The following GNA14 variants were observed in gnomAD, a reference collection of about 807,000 sequenced individuals.
The protein encoded by GNA14 is guanine nucleotide-binding protein subunit alpha-14.
In GNA14, 50 loss-of-function variants were observed where a neutral mutation model predicts 42.0. The observed-to-expected ratio is 1.19, with a 90% CI of 0.95 to 1.51. The LOEUF is 1.51. GNA14 is among the 40% of genes most tolerant of loss of function. The probability of loss-of-function intolerance (pLI) is 0.00; values close to 1 mark genes in which losing one functional copy is unlikely to be tolerated. For missense variants in GNA14, 473 were observed against 446.2 expected (o/e 1.06, Z -0.54); for synonymous variants, 173 against 163.1 (o/e 1.06, Z -0.46).
At chr9:77,616,958 C>T (rs532312148) in intron 1 of GNA14, among the ~76,000 whole-genome samples, 1 of 152,146 alleles carries the variant, frequency 6.6e-6, no homozygotes, top group Non-Finnish European at 1.5e-5. Flanking sequence ...CAAGCTCCGC[C>T]TCCCGGGTTC....
intron 1 of GNA14, among the ~76,000 whole-genome samples, chr9:77,628,280 T>G (rs1265126228): frequency 6.6e-6 from 1 of 151,474 alleles, no homozygotes; most frequent in African/African-American, 2.4e-5. Flanking sequence ...TGCTCACGGA[T>G]AGAACCAATA....
At chr9:77,522,816 T>C (rs1487242346) in intron 2 of GNA14, among the ~76,000 whole-genome samples, 1 of 152,184 alleles carries the variant, frequency 6.6e-6, no homozygotes, top group African/African-American at 2.4e-5. Flanking sequence ...TGGGATGTTC[T>C]AGTGCCTGAT....
intron 1 of GNA14, among the ~76,000 whole-genome samples, chr9:77,640,513 A>G (rs1824240770): frequency 6.6e-6 from 1 of 152,130 alleles, no homozygotes; most frequent in South Asian, 2.1e-4. Flanking sequence ...AGAAAAAAAG[A>G]CCATTTGAAG....
intron 1 of GNA14, among the ~76,000 whole-genome samples, chr9:77,624,544 C>A (rs1269518652): frequency 7.2e-5 from 11 of 152,144 alleles, no homozygotes. Context: ...CTAGCAGATG[C>A]CCCTCTGGGA....
At chr9:77,476,763 A>G (rs3780295) in intron 2 of GNA14, among the ~76,000 whole-genome samples, 90,098 of 152,124 alleles carry the variant, frequency 0.59, 27,402 homozygotes, top group East Asian at 0.82. Flanking sequence ...ATGAGTGAGT[A>G]CATAGCACTT....
intron 1 of GNA14, among the ~76,000 whole-genome samples, chr9:77,551,473 A>G (rs974709867): frequency 6.6e-6 from 1 of 151,960 alleles, no homozygotes; most frequent in African/African-American, 2.4e-5. Context: ...GGGACTAGAA[A>G]AAGCAGGACC....
At chr9:77,623,478 G>A (rs1434602446) in intron 1 of GNA14, among the ~76,000 whole-genome samples, 1 of 152,104 alleles carries the variant, frequency 6.6e-6, no homozygotes, top group Non-Finnish European at 1.5e-5. Flanking sequence ...CACAGTGGCT[G>A]GCAAGATGGC....
intron 1 of GNA14, among the ~76,000 whole-genome samples, chr9:77,643,658 A>C (rs1017914205): frequency 6.6e-6 from 1 of 152,210 alleles, no homozygotes; most frequent in African/African-American, 2.4e-5. Flanking sequence ...CAATCCAATA[A>C]AACTTTTTGG....
At chr9:77,450,123 C>T (rs560561357) in intron 2 of GNA14, among the ~76,000 whole-genome samples, 9 of 152,310 alleles carry the variant, frequency 5.9e-5, no homozygotes, top group African/African-American at 2.2e-4. Flanking sequence ...CTTTGGCATT[C>T]TGGTTGCCGG....
Position 77,529,204 on chromosome 9 carries a change from G to C in GNA14, c.174C>G (p.Ile58Met). 6.2e-7 allele frequency: 1 copy of C among 1,613,970 alleles called. No homozygotes were observed. Among genetic ancestry groups the C allele is most frequent in the Non-Finnish European group, 8.5e-7 (1 of 1,179,910 alleles). Reference protein sequence around the residue: ...KSTFIKQMRIIHGSGYSDEDR... With the variant: ...KSTFIKQMRIMHGSGYSDEDR... ...CTTCGTCGCTGTAACCAGACCCATG[G>C]ATAATTCTCATCTGCTTGATAAAGG... Residue 58 changes from isoleucine to methionine, a missense_variant, in exon 2 of 7, where the codon ATC becomes ATG. By Grantham distance (10) the Ile-to-Met change is conservative. Coordinates refer to ENST00000341700, the MANE Select transcript of GNA14 (RefSeq NM_004297.4).
chr9:77,452,558 G>GT (rs1835921408), intron 2 of GNA14, among the ~76,000 whole-genome samples: 1 of 20,102 alleles, frequency 5.0e-5, no homozygotes, highest in Admixed American at 5.9e-4. Flanking sequence ...AAGTGTGTGT[G>GT]TGTGTGTGTG....
intron 1 of GNA14, among the ~76,000 whole-genome samples, chr9:77,606,031 G>C (rs78145838): frequency 2.0e-5 from 3 of 152,106 alleles, no homozygotes; most frequent in Admixed American, 2.0e-4. Flanking sequence ...CTCAAACAAT[G>C]AAGTGGTTCA....
At chr9:77,602,170 T>C (rs1823577255) in intron 1 of GNA14, among the ~76,000 whole-genome samples, 1 of 152,210 alleles carries the variant, frequency 6.6e-6, no homozygotes, top group South Asian at 2.1e-4. Flanking sequence ...ATGAGTACTG[T>C]GTTTGATTGC....
intron 2 of GNA14, among the ~76,000 whole-genome samples, chr9:77,492,504 G>A (rs1164983219): frequency 6.6e-6 from 1 of 151,926 alleles, no homozygotes; most frequent in African/African-American, 2.4e-5. Flanking sequence ...TCCCGGAAAT[G>A]CAAAGAATCA....
intron 1 of GNA14, among the ~76,000 whole-genome samples, chr9:77,624,004 G>C (rs995346169): frequency 5.9e-5 from 9 of 152,198 alleles, no homozygotes; most frequent in Non-Finnish European, 7.3e-5. Flanking sequence ...GGCCCAGCAA[G>C]CTACGTTCCA....
chr9:77,439,914 G>A (rs1277150248), intron 2 of GNA14, among the ~76,000 whole-genome samples: 1 of 152,160 alleles, frequency 6.6e-6, no homozygotes, highest in Non-Finnish European at 1.5e-5. Context: ...AGTCTGAGGT[G>A]GCCAGCATCT....
chr9:77,548,463 G>A (rs189299866), intron 1 of GNA14, among the ~76,000 whole-genome samples: 195 of 152,254 alleles, frequency 1.3e-3, no homozygotes, highest in Non-Finnish European at 1.2e-3. Context: ...GGGGGCGCAC[G>A]ATTCAACCCA....
intron 1 of GNA14, among the ~76,000 whole-genome samples, chr9:77,623,284 G>T (rs1406344039): frequency 1.6e-5 from 2 of 124,972 alleles, no homozygotes; most frequent in Non-Finnish European, 3.5e-5. Flanking sequence ...ATTTGAAATG[G>T]TAAAAACTGG....
chr9:77,606,757 T>C (rs527676265), intron 1 of GNA14, among the ~76,000 whole-genome samples: 1 of 152,318 alleles, frequency 6.6e-6, no homozygotes, highest in South Asian at 2.1e-4. Context: ...CTCTCTGTTA[T>C]GAGCGGAATG....
Sources: gnomAD v4.1 joint callset for allele counts (sites outside exome capture counted in the v4.1 genomes callset) on GRCh38, gnomAD v4.1.1 for gene constraint, MANE v1.5 for transcripts, NCBI Gene and HGNC (gene_info 2026-07-23, HGNC 2026-07-21) for gene names.